The following ADAMTS7 variants were observed in gnomAD, a reference collection of about 807,000 sequenced individuals.
The protein encoded by ADAMTS7 is A disintegrin and metalloproteinase with thrombospondin motifs 7.
In ADAMTS7, 89 loss-of-function variants were observed where a neutral mutation model predicts 172.6. The ratio of observed to expected loss-of-function variants is 0.52; its 90% confidence interval spans 0.43 to 0.61. The LOEUF is 0.61. Ranked by LOEUF, ADAMTS7 falls within the 20% of genes least tolerant of loss-of-function variation. The pLI, the probability that ADAMTS7 is intolerant of heterozygous loss-of-function variation, is 0.00. For missense variants in ADAMTS7, 1,973 were observed against 2,355.6 expected (o/e 0.84, Z 3.36); for synonymous variants, 885 against 978.4 (o/e 0.90, Z 1.78).
rs968121300 is a variant in ADAMTS7 at position 78,762,687 on chromosome 15, C to G, written c.4741-122G>C. The G allele has an allele frequency of 1.1e-5, 9 of 800,950 alleles. No homozygotes were observed. In the Admixed American group the frequency reaches 1.7e-4, roughly 15 times the overall value. 49.6% of individuals were successfully genotyped at this position (800,950 alleles called of 1,614,324 possible). A position where few individuals can be genotyped will look rare whatever the true frequency, so the allele number is the denominator to read the frequency against. ...CTGACTGGCCTGGCCTTGCTCCCAGCCGCCCCCTCAGTGCCTCCTGGAGCA... is the reference window on the plus strand; with the variant it reads ...CTGACTGGCCTGGCCTTGCTCCCAGGCGCCCCCTCAGTGCCTCCTGGAGCA... On this transcript the variant is annotated intron_variant, in intron 22 of 23. Transcript: ENST00000388820.
intron 12 of ADAMTS7, 46 bp downstream of exon 12, chr15:78,774,578 C>A (rs750334178): frequency 1.7e-5 from 27 of 1,610,924 alleles, no homozygotes; most frequent in Non-Finnish European, 2.2e-5. Context: ...ACCCACACAC[C>A]CCCAGCCCTC....
chr15:78,767,874 C>G (rs1354213538), intron 17 of ADAMTS7, among the ~76,000 whole-genome samples: 1 of 151,338 alleles, frequency 6.6e-6, no homozygotes, highest in East Asian at 1.9e-4. Flanking sequence ...AGGAGGACCA[C>G]AGGTGTCCAG....
chr15:78,766,923 C>A lies in ADAMTS7; in HGVS notation c.2988G>T (p.Trp996Cys), dbSNP rs1414492482. 6.2e-7 allele frequency: 1 copy of A among 1,610,554 alleles called. No homozygotes were observed. The change falls in exon 19 of 24, where the codon TGG becomes TGT. Residue 996 changes from tryptophan (W) to cysteine (C), a missense_variant. Trp to Cys is a radical substitution (Grantham distance 215, BLOSUM62 -2). Coordinates refer to ENST00000388820, the MANE Select transcript of ADAMTS7 (RefSeq NM_014272.5). ...EVTCSLPLCR[W>C]PLGTLGPEGS... ...CTTCAGGGCCCAGTGTGCCCAGGGG[C>A]CACCGACAGAGTGGCAGAGAGCAGG...
At chr15:78,776,465 C>T in intron 10 of ADAMTS7, 132 bp from the exon 11 acceptor site, 1 of 1,331,222 alleles carries the variant, frequency 7.5e-7, no homozygotes, top group Middle Eastern at 2.8e-4. Flanking sequence ...GAGAGGCACC[C>T]TCACAATCAT....
intron 1 of ADAMTS7, among the ~76,000 whole-genome samples, chr15:78,806,952 A>G (rs2055805202): frequency 6.6e-6 from 1 of 152,184 alleles, no homozygotes; most frequent in Non-Finnish European, 1.5e-5. Flanking sequence ...TTTTTAGTAG[A>G]GGTAGAGTTT....
intron 1 of ADAMTS7, among the ~76,000 whole-genome samples, chr15:78,801,179 T>TACTCATC (rs1197641927): frequency 2.4e-4 from 37 of 152,334 alleles, no homozygotes; most frequent in African/African-American, 8.7e-4. Context: ...CGTCTTACTC[T>TACTCATC]GCTCATCGTC....
chr15:78,810,851 CCG>C, intron 1 of ADAMTS7: 1 of 324,388 alleles, frequency 3.1e-6, no homozygotes, highest in Non-Finnish European at 5.6e-6. Context: ...AAACCGGAGC[CCG>C]AAGAGCGGAA....
intron 1 of ADAMTS7, among the ~76,000 whole-genome samples, chr15:78,803,275 T>C (rs1187714947): frequency 6.6e-6 from 1 of 151,410 alleles, no homozygotes; most frequent in Non-Finnish European, 1.5e-5. Flanking sequence ...TGGGAGGCTC[T>C]CTTGAGCCCA....
intron 1 of ADAMTS7, among the ~76,000 whole-genome samples, chr15:78,804,422 T>C (rs1423175912): frequency 2.0e-5 from 3 of 152,140 alleles, no homozygotes; most frequent in Non-Finnish European, 2.9e-5. Flanking sequence ...AGTTTCTCGA[T>C]TGGATTTATA....
chr15:78,774,179 G>A lies in ADAMTS7; in HGVS notation c.1998C>T (p.Asn666=), dbSNP rs370343072. 56 of 1,592,114 alleles carry A rather than the reference G, an allele frequency of 3.5e-5. No homozygotes were observed. Among genetic ancestry groups the A allele is most frequent in the South Asian group, 1.6e-4 (14 of 89,630 alleles). The change falls in exon 13 of 24, where the codon AAC becomes AAT. Residue 666 remains asparagine (N), a synonymous_variant. Transcript: ENST00000388820. ...TAACCAGGCACACCTTACAGATGCC[G>A]TTGATGCAGAGGTCCCGGCTGGCTC... ...QVRASRDLCI[N]GICKNVGCDF...
In ADAMTS7 at chr15:78,760,023, T is replaced by C. The variant is rs7161818; in HGVS notation, c.4904-445A>G. On this transcript the variant is annotated intron_variant, in intron 23 of 23. Coordinates refer to ENST00000388820, the MANE Select transcript of ADAMTS7 (RefSeq NM_014272.5). The stretch of plus-strand genomic sequence containing the variant: ...CGCCACCGCCCCCTGCCCCAGTGCA[T>C]CTGTCCTGCCAGGCCTCCGTGACCA... Among the ~76,000 whole-genome samples, 654 of 152,128 alleles carry C rather than the reference T, an allele frequency of 4.3e-3. 5 individuals are homozygous for C. Among genetic ancestry groups the C allele is most frequent in the African/African-American group, 0.013 (558 of 41,524 alleles).
Position 78,759,304 on chromosome 15 carries a change from G to T in ADAMTS7, c.*117C>A. 1 of 993,328 alleles carries T rather than the reference G, an allele frequency of 1.0e-6. No individual in the cohort carries two copies. Among genetic ancestry groups the T allele is most frequent in the Non-Finnish European group, 1.4e-6 (1 of 722,234 alleles). The allele number at this position is 993,328 out of a possible 1,614,324, so 61.5% of individuals were successfully genotyped here. A position where few individuals can be genotyped will look rare whatever the true frequency, so the allele number is the denominator to read the frequency against. ...TTTTTTGAGGGGGAGGAGGTCCCCAGCCTGCTGCTGGGTAGTGAGAGGGGG... is the reference window on the plus strand; with the variant it reads ...TTTTTTGAGGGGGAGGAGGTCCCCATCCTGCTGCTGGGTAGTGAGAGGGGG... On this transcript the variant is annotated 3_prime_UTR_variant, in exon 24 of 24. Transcript: ENST00000388820.
intron 1 of ADAMTS7, among the ~76,000 whole-genome samples, chr15:78,807,898 A>G (rs2055817321): frequency 6.6e-6 from 1 of 151,508 alleles, no homozygotes; most frequent in African/African-American, 2.4e-5. Flanking sequence ...GAGATCTCCC[A>G]GGCTGGAGTG....
intron 20 of ADAMTS7, 56 bp downstream of exon 20, chr15:78,764,499 A>T (rs1269472654): frequency 1.3e-6 from 2 of 1,507,888 alleles, no homozygotes; most frequent in African/African-American, 2.8e-5. Flanking sequence ...GCCGTGGGGA[A>T]CCAGGGCTCC....
intron 23 of ADAMTS7, among the ~76,000 whole-genome samples, chr15:78,759,955 C>T (rs1567197261): frequency 2.0e-5 from 3 of 152,154 alleles, no homozygotes; most frequent in Non-Finnish European, 4.4e-5. Flanking sequence ...ACTGCGGTCC[C>T]GGGGCCTCCT....
chr15:78,781,580 C>A (rs1253838731), intron 8 of ADAMTS7, among the ~76,000 whole-genome samples: 1 of 152,186 alleles, frequency 6.6e-6, no homozygotes, highest in Non-Finnish European at 1.5e-5. Flanking sequence ...CGAGCCAAGT[C>A]CCTCAAGCAT....
chr15:78,811,114 C>T lies in ADAMTS7; in HGVS notation c.100+7G>A, dbSNP rs2055860233. The T allele has an allele frequency of 1.6e-6, 2 of 1,229,800 alleles. No homozygotes were observed. The highest frequency in any genetic ancestry group is 1.6e-5 in the African/African-American group (1 of 64,202). 76.2% of individuals were successfully genotyped at this position (1,229,800 alleles called of 1,614,324 possible). A position where few individuals can be genotyped will look rare whatever the true frequency, so the allele number is the denominator to read the frequency against. On this transcript the variant is annotated splice_region_variant and intron_variant, in intron 1 of 23. Coordinates refer to ENST00000388820, the MANE Select transcript of ADAMTS7 (RefSeq NM_014272.5). ...GCCCGGCTGGCCGGGGAGGGGCGGA[C>T]ACCCACCTGGTGCGGGTCCGGGGGC...
intron 9 of ADAMTS7, 40 bp downstream of exon 9, chr15:78,777,404 C>T (rs1211351979): frequency 1.3e-5 from 21 of 1,598,082 alleles, no homozygotes; most frequent in African/African-American, 9.4e-5. Flanking sequence ...GCCCTCCTGC[C>T]GGGTCCCCAC....
At chr15:78,789,063 G>A (rs182562665) in intron 7 of ADAMTS7, among the ~76,000 whole-genome samples, 4 of 152,332 alleles carry the variant, frequency 2.6e-5, no homozygotes, top group African/African-American at 9.6e-5. Flanking sequence ...CATCGCCTAC[G>A]AAACCCGGAC....
Sources: gnomAD v4.1 joint callset for allele counts (sites outside exome capture counted in the v4.1 genomes callset) on GRCh38, gnomAD v4.1.1 for gene constraint, MANE v1.5 for transcripts, NCBI Gene and HGNC (gene_info 2026-07-23, HGNC 2026-07-21) for gene names.